Variants in RSBN1L observed in about 807,000 individuals in gnomAD.
The protein encoded by RSBN1L is lysine-specific demethylase RSBN1L.
RSBN1L carries 30 observed loss-of-function variants against 67.7 expected under a neutral mutation model. That is an observed-to-expected ratio of 0.44 (90% CI 0.33 to 0.60). The LOEUF is 0.60. Ranked by LOEUF, RSBN1L falls within the 20% of genes least tolerant of loss-of-function variation. The probability of loss-of-function intolerance (pLI) is 0.02; values close to 1 mark genes in which losing one functional copy is unlikely to be tolerated. For synonymous variants in RSBN1L, 433 were observed against 387.0 expected, an observed-to-expected ratio of 1.12 and a Z score of -1.39; for missense variants, 992 against 1,031.7, an observed-to-expected ratio of 0.96 and a Z score of 0.53.
At chr7:77,778,250 C>A in intron 6 of RSBN1L, 88 bp from the exon 7 acceptor site, 1 of 833,008 alleles carries the variant, frequency 1.2e-6, no homozygotes. Context: ...TGGTATTGAC[C>A]ATAAAGTATT....
At chr7:77,743,174 C>A (rs1348725280) in intron 2 of RSBN1L, among the ~76,000 whole-genome samples, 1 of 152,140 alleles carries the variant, frequency 6.6e-6, no homozygotes, top group African/African-American at 2.4e-5. Context: ...CTGCCTCAGC[C>A]TCCTGAGTAG....
intron 5 of RSBN1L, among the ~76,000 whole-genome samples, chr7:77,772,873 A>G (rs1791866613): frequency 6.6e-6 from 1 of 152,228 alleles, no homozygotes; most frequent in Non-Finnish European, 1.5e-5. Flanking sequence ...AACCCCAGGT[A>G]AAGATTCTGT....
chr7:77,781,467 C>T lies in RSBN1L; in HGVS notation c.*2299C>T, dbSNP rs1008350784. ...TAAAGTTGAAGAATGATATATTTAA[C>T]AAGAGTTGTGTTTTATTTCCAGTTT... On this transcript the variant is annotated 3_prime_UTR_variant, in exon 8 of 8. Transcript: ENST00000334955. 6.6e-6 allele frequency: 1 copy of T among 152,104 alleles called. No individual in the cohort carries two copies. Among genetic ancestry groups the T allele is most frequent in the African/African-American group, 2.4e-5 (1 of 41,418 alleles). 9.4% of individuals were successfully genotyped at this position (152,104 alleles called of 1,614,324 possible).
chr7:77,739,196 ATTTAC>A (rs1176325041), intron 2 of RSBN1L, among the ~76,000 whole-genome samples: 2 of 152,074 alleles, frequency 1.3e-5, no homozygotes, highest in Non-Finnish European at 2.9e-5. Flanking sequence ...ACAACAAATC[ATTTAC>A]TTTGCTGAGG....
intron 6 of RSBN1L, 71 bp downstream of exon 6, chr7:77,773,385 T>A: frequency 9.0e-7 from 1 of 1,112,060 alleles, no homozygotes; most frequent in Non-Finnish European, 1.2e-6. Flanking sequence ...AAAATCTTAG[T>A]AATTCCTCCT....
rs573200384 is a variant in RSBN1L at position 77,739,686 on chromosome 7, GTGACAGAGCAAGACT to G, written c.703+3163_703+3177del. 1.0e-4 allele frequency among the ~76,000 whole-genome samples: 14 copies of G among 133,678 alleles called. No homozygotes were observed. The South Asian group carries it at 2.4e-3, about 23-fold the overall frequency. 87.7% of individuals were successfully genotyped at this position (133,678 alleles called of 152,430 possible). On this transcript the variant is annotated intron_variant, in intron 2 of 7. Coordinates refer to ENST00000334955, the MANE Select transcript of RSBN1L (RefSeq NM_198467.3). ...ATTGTGCCACTGCACTCCAGCCTGG[GTGACAGAGCAAGACT>G]TGGTCTCAGGAAAAAAAAAAAAAAA...
At chr7:77,758,018 G>C (rs556494854) in intron 3 of RSBN1L, among the ~76,000 whole-genome samples, 1 of 151,836 alleles carries the variant, frequency 6.6e-6, no homozygotes, top group South Asian at 2.1e-4. Flanking sequence ...CAGCCTGGAC[G>C]ACAGAGTGAG....
At chr7:77,734,094 C>G (rs988579215) in intron 1 of RSBN1L, among the ~76,000 whole-genome samples, 1 of 152,098 alleles carries the variant, frequency 6.6e-6, no homozygotes, top group Non-Finnish European at 1.5e-5. Flanking sequence ...CCACTGCACT[C>G]CAGCCTGGGC....
At chr7:77,753,782 A>G (rs1791584011) in intron 3 of RSBN1L, among the ~76,000 whole-genome samples, 1 of 152,220 alleles carries the variant, frequency 6.6e-6, no homozygotes, top group African/African-American at 2.4e-5. Context: ...ACAGCAGCTA[A>G]AAGTATTGGA....
intron 6 of RSBN1L, among the ~76,000 whole-genome samples, chr7:77,775,177 G>A (rs1157334056): frequency 1.3e-5 from 2 of 152,178 alleles, no homozygotes; most frequent in Non-Finnish European, 2.9e-5. Flanking sequence ...GGAGCTCAAA[G>A]TGCTAGGATT....
Position 77,779,408 on chromosome 7 carries a change from T to A in RSBN1L, c.*240T>A, listed in dbSNP as rs1169040643. On this transcript the variant is annotated 3_prime_UTR_variant, in exon 8 of 8. Transcript: ENST00000334955. ...GTCTTTAAAAAAAAATCATTTACGT[T>A]GGAATTTTAGGTTTTAGAATAGAGC... 4.3e-6 allele frequency: 1 copy of A among 230,124 alleles called. No homozygotes were observed. The highest frequency in any genetic ancestry group is 5.4e-5 in the Admixed American group (1 of 18,414). 14.3% of individuals were successfully genotyped at this position (230,124 alleles called of 1,614,324 possible). A position where few individuals can be genotyped will look rare whatever the true frequency, so the allele number is the denominator to read the frequency against.
chr7:77,700,029 T>C (rs1790793743), intron 1 of RSBN1L, among the ~76,000 whole-genome samples: 2 of 152,116 alleles, frequency 1.3e-5, no homozygotes, highest in African/African-American at 4.8e-5. Context: ...ACTCCTGACC[T>C]TGTGATCTGC....
At chr7:77,700,042 G>A (rs1047073157) in intron 1 of RSBN1L, among the ~76,000 whole-genome samples, 1 of 152,110 alleles carries the variant, frequency 6.6e-6, no homozygotes, top group Admixed American at 6.6e-5. Flanking sequence ...TGATCTGCCT[G>A]CCTTGGCCTC....
intron 1 of RSBN1L, among the ~76,000 whole-genome samples, chr7:77,725,956 T>C (rs1416099763): frequency 2.6e-5 from 4 of 152,204 alleles, no homozygotes; most frequent in Admixed American, 2.6e-4. Context: ...TGCTTTTTTT[T>C]TTAGTTAACA....
intron 2 of RSBN1L, among the ~76,000 whole-genome samples, chr7:77,746,369 C>T (rs559163785): frequency 6.6e-6 from 1 of 152,210 alleles, no homozygotes; most frequent in South Asian, 2.1e-4. Flanking sequence ...GGAGGTGCTG[C>T]ACACTTGTAA....
chr7:77,703,907 A>C (rs547110531), intron 1 of RSBN1L, among the ~76,000 whole-genome samples: 42 of 151,932 alleles, frequency 2.8e-4, no homozygotes, highest in African/African-American at 9.9e-4. Flanking sequence ...CTCCTGCTTC[A>C]CCCTCCCCAG....
Position 77,778,321 on chromosome 7 carries a change from C to G in RSBN1L, c.1794-17C>G. 1 of 1,547,518 alleles carries G rather than the reference C, an allele frequency of 6.5e-7. No homozygotes were observed. Among genetic ancestry groups the G allele is most frequent in the African/African-American group, 1.4e-5 (1 of 72,358 alleles). On this transcript the variant is annotated splice_polypyrimidine_tract_variant and intron_variant, in intron 6 of 7. Coordinates refer to ENST00000334955, the MANE Select transcript of RSBN1L (RefSeq NM_198467.3). ...AGCATTTATGGCAGATTCTTGTTAT[C>G]TCGTTTTCTTTTTTAGGCCTGATCA...
intron 1 of RSBN1L, among the ~76,000 whole-genome samples, chr7:77,727,002 C>T (rs139167660): frequency 0.049 from 7,439 of 151,616 alleles, 389 homozygotes; most frequent in African/African-American, 0.13. Context: ...AGGATGGTCT[C>T]AATCTCTTGA....
intron 1 of RSBN1L, among the ~76,000 whole-genome samples, chr7:77,734,967 A>C (rs1791314326): frequency 6.6e-6 from 1 of 151,938 alleles, no homozygotes; most frequent in Non-Finnish European, 1.5e-5. Flanking sequence ...TGTATCCCTA[A>C]TCTTTTTCTT....
Sources: gnomAD v4.1 joint callset for allele counts (sites outside exome capture counted in the v4.1 genomes callset) on GRCh38, gnomAD v4.1.1 for gene constraint, MANE v1.5 for transcripts, NCBI Gene and HGNC (gene_info 2026-07-23, HGNC 2026-07-21) for gene names.